Variants in GABRG3 observed in about 807,000 individuals in gnomAD.
GABRG3 encodes the protein gamma-aminobutyric acid type A receptor subunit gamma3.
Under a neutral mutation model 48.8 loss-of-function variants are expected in GABRG3, and 25 were observed. That is an observed-to-expected ratio of 0.51 (90% CI 0.37 to 0.72). The LOEUF is 0.72. Ranked by LOEUF, GABRG3 falls within the 30% of genes least tolerant of loss-of-function variation. The probability of loss-of-function intolerance (pLI) is 0.00; values close to 1 mark genes in which losing one functional copy is unlikely to be tolerated. For missense variants in GABRG3, 394 were observed against 577.9 expected, an observed-to-expected ratio of 0.68 and a Z score of 3.26; for synonymous variants, 227 against 217.6, an observed-to-expected ratio of 1.04 and a Z score of -0.38.
chr15:27,276,098 A>G (rs1021745392), intron 3 of GABRG3, among the ~76,000 whole-genome samples: 1 of 152,210 alleles, frequency 6.6e-6, no homozygotes, highest in African/African-American at 2.4e-5. Context: ...TTGCTTTAGT[A>G]AGGGAGATCA....
intron 6 of GABRG3, among the ~76,000 whole-genome samples, chr15:27,517,547 G>A (rs753380024): frequency 7.2e-5 from 11 of 152,192 alleles, no homozygotes; most frequent in African/African-American, 9.6e-5. Flanking sequence ...TAAATTGTGC[G>A]TCTTGTCTGG....
chr15:27,084,609 CTG>C (rs1897045916), intron 3 of GABRG3, among the ~76,000 whole-genome samples: 2 of 152,232 alleles, frequency 1.3e-5, no homozygotes, highest in Admixed American at 1.3e-4. Flanking sequence ...TCTGGAAAGA[CTG>C]TTCAGTCTTT....
intron 6 of GABRG3, among the ~76,000 whole-genome samples, chr15:27,518,925 T>TGGCA (rs1182683271): frequency 6.6e-6 from 1 of 152,164 alleles, no homozygotes; most frequent in Non-Finnish European, 1.5e-5. Flanking sequence ...CTTGGATCTA[T>TGGCA]GGCAGAAGGT....
At chr15:27,270,371 T>C (rs1383028554) in intron 3 of GABRG3, among the ~76,000 whole-genome samples, 3 of 152,196 alleles carry the variant, frequency 2.0e-5, no homozygotes, top group Non-Finnish European at 4.4e-5. Flanking sequence ...CCAGTTTGTT[T>C]AGTAGAGTCC....
At chr15:27,336,268 A>AAAGAAAGG (rs1893971690) in intron 5 of GABRG3, among the ~76,000 whole-genome samples, 1 of 151,772 alleles carries the variant, frequency 6.6e-6, no homozygotes, top group African/African-American at 2.4e-5. Context: ...AGAAAGAAAG[A>AAAGAAAGG]AAGGAAGGAG....
intron 5 of GABRG3, among the ~76,000 whole-genome samples, chr15:27,404,205 A>C (rs960524519): frequency 1.3e-5 from 2 of 152,170 alleles, no homozygotes; most frequent in Admixed American, 1.3e-4. Context: ...TGGGCGACAG[A>C]GGGAGACTCC....
At chr15:27,316,827 G>T (rs569355620) in intron 3 of GABRG3, among the ~76,000 whole-genome samples, 8 of 150,556 alleles carry the variant, frequency 5.3e-5, no homozygotes, top group African/African-American at 1.2e-4. Flanking sequence ...TTTTGGTGTG[G>T]TTTTTTTTTC....
At chr15:27,473,705 C>T (rs1312701788) in intron 5 of GABRG3, among the ~76,000 whole-genome samples, 2 of 151,966 alleles carry the variant, frequency 1.3e-5, no homozygotes, top group Non-Finnish European at 2.9e-5. Flanking sequence ...ATCAGGTTTC[C>T]AAAAGAATCT....
intron 5 of GABRG3, among the ~76,000 whole-genome samples, chr15:27,345,928 C>T (rs1006394056): frequency 4.5e-4 from 68 of 151,828 alleles, no homozygotes; most frequent in African/African-American, 1.5e-3. Flanking sequence ...GTGGCACACT[C>T]AGTAGTCCCA....
At chr15:27,474,589 A>C (rs960782191) in intron 5 of GABRG3, among the ~76,000 whole-genome samples, 2 of 152,146 alleles carry the variant, frequency 1.3e-5, no homozygotes, top group Admixed American at 1.3e-4. Flanking sequence ...CTCTGATCAA[A>C]TGCATTCACG....
intron 3 of GABRG3, among the ~76,000 whole-genome samples, chr15:27,322,250 G>A (rs1294636614): frequency 6.6e-6 from 1 of 152,192 alleles, no homozygotes; most frequent in Admixed American, 6.5e-5. Context: ...GCCTCACTCT[G>A]TCTTAAAGTG....
chr15:27,190,935 C>T (rs912458529), intron 3 of GABRG3, among the ~76,000 whole-genome samples: 3 of 152,094 alleles, frequency 2.0e-5, no homozygotes, highest in Non-Finnish European at 2.9e-5. Context: ...TGCTTGTTCT[C>T]GTTGGTTTCA....
chr15:27,159,247 C>T (rs1036202087), intron 3 of GABRG3, among the ~76,000 whole-genome samples: 3 of 152,038 alleles, frequency 2.0e-5, no homozygotes, highest in East Asian at 1.9e-4. Context: ...TTTGGAAGTA[C>T]GAGGCAGGTG....
In GABRG3 at chr15:27,171,544, A is replaced by ATG. The variant is rs541765817; in HGVS notation, c.270+144725_270+144726dup. ...TATATACATATACAGATGTATACAC[A>ATG]TGTATATATATGTATATGTATATAT... On this transcript the variant is annotated intron_variant, in intron 3 of 9. Transcript: ENST00000615808. 4.5e-3 allele frequency among the ~76,000 whole-genome samples: 655 copies of ATG among 146,616 alleles called. 6 individuals are homozygous for ATG. The highest frequency in any genetic ancestry group is 0.016 in the African/African-American group (637 of 40,086).
intron 5 of GABRG3, among the ~76,000 whole-genome samples, chr15:27,434,774 C>G (rs1888559041): frequency 6.6e-6 from 1 of 152,296 alleles, no homozygotes; most frequent in South Asian, 2.1e-4. Context: ...AGTGCCTCCC[C>G]TCTGGTGGCT....
At chr15:27,255,348 C>T (rs900264738) in intron 3 of GABRG3, among the ~76,000 whole-genome samples, 1 of 152,220 alleles carries the variant, frequency 6.6e-6, no homozygotes, top group Non-Finnish European at 1.5e-5. Flanking sequence ...TGGGATGATT[C>T]TCTAACAGAC....
intron 3 of GABRG3, among the ~76,000 whole-genome samples, chr15:27,045,201 A>G (rs1293530020): frequency 6.6e-6 from 1 of 152,202 alleles, no homozygotes; most frequent in Non-Finnish European, 1.5e-5. Context: ...CTATTGGAGA[A>G]TTCCCTGAGG....
At chr15:27,507,412 G>A (rs892149766) in intron 6 of GABRG3, among the ~76,000 whole-genome samples, 2 of 152,198 alleles carry the variant, frequency 1.3e-5, no homozygotes, top group African/African-American at 2.4e-5. Context: ...GCTGAGGTAG[G>A]AGAATGGCTT....
At chr15:27,042,730 G>A (rs1259078109) in intron 3 of GABRG3, among the ~76,000 whole-genome samples, 4 of 152,242 alleles carry the variant, frequency 2.6e-5, no homozygotes, top group East Asian at 1.9e-4. Flanking sequence ...TATGCCCTGG[G>A]TGGTGCTGCT....
Sources: gnomAD v4.1 joint callset for allele counts (sites outside exome capture counted in the v4.1 genomes callset) on GRCh38, gnomAD v4.1.1 for gene constraint, MANE v1.5 for transcripts, NCBI Gene and HGNC (gene_info 2026-07-23, HGNC 2026-07-21) for gene names.